RYK: variants seen among roughly 807,000 people sequenced by gnomAD.
The protein encoded by RYK is receptor like tyrosine kinase.
Under a neutral mutation model 70.2 loss-of-function variants are expected in RYK, and 21 were observed. The ratio of observed to expected loss-of-function variants is 0.30; its 90% CI spans 0.21 to 0.43. The LOEUF (loss-of-function observed/expected upper bound fraction) is 0.43. Ranked by LOEUF, RYK falls within the 20% of genes least tolerant of loss-of-function variation. The pLI is 1.00. For missense variants in RYK, 604 were observed against 753.3 expected, an observed-to-expected ratio of 0.80 and a Z score of 2.32; for synonymous variants, 267 against 278.0, an observed-to-expected ratio of 0.96 and a Z score of 0.39.
chr3:134,160,400 G>A lies in RYK; in HGVS notation c.1576-1027C>T, dbSNP rs1454295756. 2.6e-5 allele frequency among the ~76,000 whole-genome samples: 4 copies of A among 152,062 alleles called. 1 individual carries two copies. The highest frequency in any genetic ancestry group is 4.2e-4 in the South Asian group (2 of 4,818). ...ACGCAAGTCAAATACAAGTCTGTTT[G>A]TAAAATCTAAACATGTTGCATTAAA... On this transcript the variant is annotated intron_variant, in intron 13 of 14. Coordinates refer to ENST00000623711, the MANE Select transcript of RYK (RefSeq NM_002958.4).
intron 8 of RYK, among the ~76,000 whole-genome samples, chr3:134,191,567 C>T (rs2013642327): frequency 6.6e-6 from 1 of 152,142 alleles, no homozygotes; most frequent in Non-Finnish European, 1.5e-5. Context: ...AGGTAGTGGC[C>T]ATTTTAAATA....
intron 1 of RYK, among the ~76,000 whole-genome samples, chr3:134,249,430 C>T (rs1046133252): frequency 2.6e-5 from 4 of 152,090 alleles, no homozygotes; most frequent in Non-Finnish European, 5.9e-5. Flanking sequence ...TTTTTCCCCT[C>T]AAACACTCAG....
intron 13 of RYK, among the ~76,000 whole-genome samples, chr3:134,165,673 G>C (rs2012641717): frequency 6.6e-6 from 1 of 152,206 alleles, no homozygotes; most frequent in African/African-American, 2.4e-5. Context: ...TCCCACCCCA[G>C]TGGACCTGAA....
intron 2 of RYK, among the ~76,000 whole-genome samples, chr3:134,213,953 C>T (rs1576524344): frequency 6.6e-6 from 1 of 152,110 alleles, no homozygotes; most frequent in Admixed American, 6.5e-5. Context: ...ACTACAGGCA[C>T]ACGCCACTAT....
At chr3:134,246,552 A>G (rs1047799726) in intron 1 of RYK, among the ~76,000 whole-genome samples, 4 of 151,978 alleles carry the variant, frequency 2.6e-5, no homozygotes, top group African/African-American at 9.7e-5. Context: ...AAAAAAACAG[A>G]AAAAAAGAGG....
intron 1 of RYK, among the ~76,000 whole-genome samples, chr3:134,232,791 T>C (rs2015096741): frequency 6.6e-6 from 1 of 152,212 alleles, no homozygotes; most frequent in Non-Finnish European, 1.5e-5. Flanking sequence ...AGCTTTTAAG[T>C]GGTAAGTAAG....
At chr3:134,234,394 G>T (rs185128332) in intron 1 of RYK, among the ~76,000 whole-genome samples, 14 of 152,168 alleles carry the variant, frequency 9.2e-5, no homozygotes, top group African/African-American at 3.1e-4. Flanking sequence ...TTAAACCAAA[G>T]AGCAAAATTT....
rs1048691655 is a variant in RYK at position 134,209,597 on chromosome 3, A to C, written c.589+98T>G. 4 of 859,090 alleles carry C rather than the reference A, an allele frequency of 4.7e-6. No homozygotes were observed. In the Admixed American group the frequency reaches 1.6e-4, roughly 35 times the overall value. 53.2% of individuals were successfully genotyped at this position (859,090 alleles called of 1,614,324 possible). A position where few individuals can be genotyped will look rare whatever the true frequency, so the allele number is the denominator to read the frequency against. On this transcript the variant is annotated intron_variant, in intron 4 of 14. Coordinates refer to ENST00000623711, the MANE Select transcript of RYK (RefSeq NM_002958.4). ...TCTTTTCTCACTTGCAACTATAATCATGAGTTGGACATACTTAAATCTGTG... is the reference window on the plus strand; with the variant it reads ...TCTTTTCTCACTTGCAACTATAATCCTGAGTTGGACATACTTAAATCTGTG...
chr3:134,245,893 CAT>C (rs1559769300), intron 1 of RYK, among the ~76,000 whole-genome samples: 2 of 152,188 alleles, frequency 1.3e-5, no homozygotes, highest in Admixed American at 1.3e-4. Flanking sequence ...CCAATACACA[CAT>C]GTTCTCTCCT....
intron 13 of RYK, 150 bp from the exon 14 acceptor site, chr3:134,159,523 C>T (rs77640586): frequency 0.014 from 9,498 of 656,354 alleles, 258 homozygotes; most frequent in African/African-American, 0.072. Flanking sequence ...CTATCATACA[C>T]AGTTAGTTTC....
intron 13 of RYK, among the ~76,000 whole-genome samples, chr3:134,171,585 G>A (rs2108147688): frequency 6.6e-6 from 1 of 152,270 alleles, no homozygotes; most frequent in East Asian, 1.9e-4. Flanking sequence ...AAGTAATACA[G>A]GCTGGGTGCA....
chr3:134,193,344 C>T (rs1442550112), intron 7 of RYK, among the ~76,000 whole-genome samples: 4 of 152,128 alleles, frequency 2.6e-5, no homozygotes. Flanking sequence ...CCACCACACC[C>T]AGCTAATTTT....
chr3:134,184,705 C>T (rs973342831), intron 9 of RYK, among the ~76,000 whole-genome samples: 3 of 152,018 alleles, frequency 2.0e-5, no homozygotes, highest in Middle Eastern at 3.2e-3. Flanking sequence ...ATCAAGGTTG[C>T]AGTGAGCCAT....
At chr3:134,199,540 G>A (rs981532327) in intron 6 of RYK, among the ~76,000 whole-genome samples, 1 of 152,208 alleles carries the variant, frequency 6.6e-6, no homozygotes, top group African/African-American at 2.4e-5. Flanking sequence ...AGGTGGCTGT[G>A]TTAAGATAAT....
intron 1 of RYK, among the ~76,000 whole-genome samples, chr3:134,246,999 A>G (rs1482915293): frequency 6.6e-6 from 1 of 152,174 alleles, no homozygotes; most frequent in African/African-American, 2.4e-5. Flanking sequence ...AAAAAAAATC[A>G]AAAGGCATTT....
chr3:134,219,785 T>C (rs188596365), intron 2 of RYK, among the ~76,000 whole-genome samples: 26 of 152,326 alleles, frequency 1.7e-4, no homozygotes, highest in Admixed American at 7.2e-4. Context: ...GGTTATCCAG[T>C]GTAGGTCTGA....
intron 5 of RYK, among the ~76,000 whole-genome samples, chr3:134,203,601 A>G (rs942728791): frequency 1.3e-5 from 2 of 152,242 alleles, no homozygotes; most frequent in African/African-American, 4.8e-5. Context: ...TTTTGGCTTA[A>G]GCAATAACTT....
chr3:134,217,441 A>G (rs2014590995), intron 2 of RYK, among the ~76,000 whole-genome samples: 2 of 152,126 alleles, frequency 1.3e-5, no homozygotes, highest in South Asian at 4.1e-4. Context: ...CTCCTACCTT[A>G]AGCAAATCCC....
chr3:134,159,575 T>C (rs987571402), intron 13 of RYK, among the ~76,000 whole-genome samples: 2 of 152,254 alleles, frequency 1.3e-5, no homozygotes, highest in Non-Finnish European at 1.5e-5. Flanking sequence ...ATTAGTATTA[T>C]AAATTCTAAG....
Sources: allele counts gnomAD v4.1 joint callset (sites outside exome capture counted in the v4.1 genomes callset), GRCh38; gene constraint gnomAD v4.1.1; transcripts MANE v1.5; gene names NCBI Gene and HGNC (gene_info 2026-07-23, HGNC 2026-07-21).